The following AKIRIN1 variants were observed in gnomAD, a reference collection of about 807,000 sequenced individuals.
AKIRIN1 encodes the protein akirin-1.
AKIRIN1 carries 4 observed loss-of-function variants against 25.9 expected under a neutral mutation model. That is an observed-to-expected ratio of 0.15 (90% CI 0.08 to 0.35). AKIRIN1 has a LOEUF of 0.35. Ranked by LOEUF, AKIRIN1 falls within the 10% of genes least tolerant of loss-of-function variation. The pLI, the probability that AKIRIN1 is intolerant of heterozygous loss-of-function variation, is 1.00. For synonymous variants in AKIRIN1, 125 were observed against 105.1 expected (o/e 1.19, Z -1.16); for missense variants, 243 against 266.1 (o/e 0.91, Z 0.61).
chr1:38,998,861 G>T (rs1165756869), intron 2 of AKIRIN1, among the ~76,000 whole-genome samples: 1 of 150,500 alleles, frequency 6.6e-6, no homozygotes, highest in Admixed American at 6.7e-5. Context: ...GTGACAGAGT[G>T]AGTCTCTGTC....
rs1644029714 is a variant in AKIRIN1 at position 39,005,771 on chromosome 1, T to C, written c.*1716T>C. On this transcript the variant is annotated 3_prime_UTR_variant, in exon 5 of 5. Transcript: ENST00000432648. ...AATATTCACATTCGAAGATTCCTTA[T>C]TAATGAATGTCTTTGACTTAAATCT... is the stretch of plus-strand genomic sequence containing the variant. The C allele has an allele frequency of 2.0e-5, 3 of 152,238 alleles. No individual in the cohort carries two copies. Among genetic ancestry groups the C allele is most frequent in the Admixed American group, 2.0e-4 (3 of 15,284 alleles). 9.4% of individuals were successfully genotyped at this position (152,238 alleles called of 1,614,324 possible). A position where few individuals can be genotyped will look rare whatever the true frequency, so the allele number is the denominator to read the frequency against.
chr1:38,991,664 GGGGGAGGGTT>G, intron 1 of AKIRIN1, 64 bp downstream of exon 1: 24 of 967,490 alleles, frequency 2.5e-5, no homozygotes, highest in South Asian at 3.0e-5. Flanking sequence ...GGGGGGTGGT[GGGGGAGGGTT>G]GGGAATACCA....
chr1:39,000,644 C>T (rs1038025096), intron 2 of AKIRIN1, among the ~76,000 whole-genome samples: 8 of 151,258 alleles, frequency 5.3e-5, no homozygotes, highest in Non-Finnish European at 8.8e-5. Flanking sequence ...CCACTGCGCC[C>T]GGCCTTTTTT....
In AKIRIN1 at chr1:39,000,345, C is replaced by CTT. The variant is rs3078308; in HGVS notation, c.362-611_362-610dup. Among the ~76,000 whole-genome samples the CTT allele has an allele frequency of 5.8e-3, 746 of 128,270 alleles. 2 individuals carry two copies. The highest frequency in any genetic ancestry group is 0.012 in the Middle Eastern group (3 of 242). 84.2% of individuals were successfully genotyped at this position (128,270 alleles called of 152,430 possible). A position where few individuals can be genotyped will look rare whatever the true frequency, so the allele number is the denominator to read the frequency against. The stretch of plus-strand genomic sequence containing the variant: ...TTAGGAGAACCTTTTTTTTCTTTTT[C>CTT]TTTTTTTTTTTTTTTTTGAGTCCGT... On this transcript the variant is annotated intron_variant, in intron 2 of 4. Coordinates refer to ENST00000432648, the MANE Select transcript of AKIRIN1 (RefSeq NM_024595.3).
At chr1:38,994,675 T>A (rs6662223) in intron 1 of AKIRIN1, among the ~76,000 whole-genome samples, 1,988 of 15,992 alleles carry the variant, frequency 0.12, 181 homozygotes, top group Non-Finnish European at 0.19. Context: ...TCGGCTAATT[T>A]TTTTTTTTTT....
Position 39,001,091 on chromosome 1 carries a change from A to C in AKIRIN1, c.481A>C (p.Asn161His). The C allele has an allele frequency of 6.2e-7, 1 of 1,612,100 alleles. No homozygotes were observed. Among genetic ancestry groups the C allele is most frequent in the Non-Finnish European group, 8.5e-7 (1 of 1,179,228 alleles). ...KIREEYEQILNTKLAEQYESF... is the reference protein window; with the variant it reads ...KIREEYEQILHTKLAEQYESF... ...TCGGGAGGAGTATGAGCAAATCCTC[A>C]ATACCAAACTAGCAGGTAGGCCCAG... The change falls in exon 3 of 5, where the codon AAT becomes CAT. Residue 161 changes from asparagine (N) to histidine (H), a missense_variant. Physicochemically the swap from Asn to His is moderately conservative, Grantham distance 68. Transcript: ENST00000432648.
chr1:39,000,104 G>A (rs998239504), intron 2 of AKIRIN1, among the ~76,000 whole-genome samples: 1 of 151,664 alleles, frequency 6.6e-6, no homozygotes, highest in Admixed American at 6.6e-5. Context: ...GGCTGGTCTC[G>A]AACTCCTGAC....
At chr1:38,995,468 A>C (rs1022487764) in intron 1 of AKIRIN1, among the ~76,000 whole-genome samples, 1 of 152,200 alleles carries the variant, frequency 6.6e-6, no homozygotes, top group Non-Finnish European at 1.5e-5. Context: ...CTTTTTAAAA[A>C]AATTTTGTGC....
At chr1:38,993,614 A>G (rs920360224) in intron 1 of AKIRIN1, among the ~76,000 whole-genome samples, 16 of 147,414 alleles carry the variant, frequency 1.1e-4, no homozygotes, top group African/African-American at 3.4e-4. Flanking sequence ...CTGGGCCACA[A>G]GAGCGAAACT....
intron 2 of AKIRIN1, 35 bp from the exon 3 acceptor site, chr1:39,000,937 G>A (rs747168188): frequency 8.8e-6 from 14 of 1,591,406 alleles, no homozygotes; most frequent in South Asian, 3.4e-5. Flanking sequence ...GTGAACCACC[G>A]CACCTGGCCC....
In AKIRIN1 at chr1:38,991,479, C is replaced by T; in HGVS notation, c.99C>T (p.Gly33=). The T allele has an allele frequency of 1.4e-6, 2 of 1,434,676 alleles. No individual in the cohort carries two copies. The highest frequency in any genetic ancestry group is 1.4e-5 in the South Asian group (1 of 70,372). The allele number at this position is 1,434,676 out of a possible 1,614,324, so 88.9% of individuals were successfully genotyped here. A position where few individuals can be genotyped will look rare whatever the true frequency, so the allele number is the denominator to read the frequency against. Reference sequence around the variant, plus strand: ...GGCGGCGCTGCGCCCCTCTGCCCGGCCCCACTCCGGGCCTCAGGCCCCCGG... The same window carrying T: ...GGCGGCGCTGCGCCCCTCTGCCCGGTCCCACTCCGGGCCTCAGGCCCCCGG... ...PKRRRCAPLP[G]PTPGLRPPDA... is the part of the protein sequence containing the mutation. The change falls in exon 1 of 5, where the codon GGC becomes GGT. Residue 33 remains glycine, a synonymous_variant. Transcript: ENST00000432648.
intron 2 of AKIRIN1, 142 bp from the exon 3 acceptor site, chr1:39,000,830 A>G (rs975360639): frequency 6.6e-6 from 6 of 913,148 alleles, no homozygotes; most frequent in Non-Finnish European, 8.0e-6. Context: ...CTAATTTTGT[A>G]TTTTTAGTAG....
chr1:39,000,909 AG>A, intron 2 of AKIRIN1, 62 bp from the exon 3 acceptor site: 1 of 1,506,866 alleles, frequency 6.6e-7, no homozygotes, highest in South Asian at 1.3e-5. Flanking sequence ...GGCCTCCCAA[AG>A]TGCTGGGATT....
In AKIRIN1 at chr1:38,991,438, C is replaced by T. The variant is rs771560722; in HGVS notation, c.58C>T (p.Pro20Ser). 8 of 1,369,654 alleles carry T rather than the reference C, an allele frequency of 5.8e-6. No individual in the cohort carries two copies. In the South Asian group the frequency reaches 1.2e-4, roughly 20 times the overall value. 84.8% of individuals were successfully genotyped at this position (1,369,654 alleles called of 1,614,324 possible). The change falls in exon 1 of 5, where the codon CCC becomes TCC. Residue 20 changes from proline (P) to serine (S), a missense_variant. Pro to Ser is a moderately conservative substitution (Grantham distance 74, BLOSUM62 -1). Coordinates refer to ENST00000432648, the MANE Select transcript of AKIRIN1 (RefSeq NM_024595.3). ...PMEFEAALLS[P>S]GSPKRRRCAP... ...GGAGTTCGAGGCGGCGCTGCTGAGC[C>T]CCGGCTCCCCGAAGCGGCGGCGCTG... is the stretch of plus-strand genomic sequence containing the variant.
chr1:38,998,642 G>T (rs1471252486), intron 2 of AKIRIN1, among the ~76,000 whole-genome samples: 1 of 152,090 alleles, frequency 6.6e-6, no homozygotes, highest in Non-Finnish European at 1.5e-5. Flanking sequence ...GGTGGCTCAT[G>T]CCTGTAATCC....
At chr1:38,993,945 C>G (rs1570970807) in intron 1 of AKIRIN1, among the ~76,000 whole-genome samples, 2 of 150,776 alleles carry the variant, frequency 1.3e-5, no homozygotes, top group South Asian at 4.2e-4. Flanking sequence ...TGGTGCATGC[C>G]TGTAATCCCA....
In AKIRIN1 at chr1:38,991,317, C is replaced by T. The variant is rs913060035; in HGVS notation, c.-64C>T. 355 of 1,283,844 alleles carry T rather than the reference C, an allele frequency of 2.8e-4. No homozygotes were observed. Among genetic ancestry groups the T allele is most frequent in the Non-Finnish European group, 3.3e-4 (328 of 1,008,728 alleles). 79.5% of individuals were successfully genotyped at this position (1,283,844 alleles called of 1,614,324 possible). A position where few individuals can be genotyped will look rare whatever the true frequency, so the allele number is the denominator to read the frequency against. On this transcript the variant is annotated 5_prime_UTR_variant, in exon 1 of 5. Coordinates refer to ENST00000432648, the MANE Select transcript of AKIRIN1 (RefSeq NM_024595.3). ...GAGCCGGCTTGGCTGGCGAGCCCGG[C>T]TGAGGAGCCTCTTGGGCCGCACTTA...
chr1:39,005,763 A>G lies in AKIRIN1; in HGVS notation c.*1708A>G, dbSNP rs1383636001. The G allele has an allele frequency of 6.6e-6, 1 of 152,220 alleles. No individual in the cohort carries two copies. Among genetic ancestry groups the G allele is most frequent in the African/African-American group, 2.4e-5 (1 of 41,460 alleles). The allele number at this position is 152,220 out of a possible 1,614,324, so 9.4% of individuals were successfully genotyped here. A position where few individuals can be genotyped will look rare whatever the true frequency, so the allele number is the denominator to read the frequency against. On this transcript the variant is annotated 3_prime_UTR_variant, in exon 5 of 5. Coordinates refer to ENST00000432648, the MANE Select transcript of AKIRIN1 (RefSeq NM_024595.3). ...ATTTCTGGAATATTCACATTCGAAG[A>G]TTCCTTATTAATGAATGTCTTTGAC...
intron 1 of AKIRIN1, 77 bp downstream of exon 1, chr1:38,991,677 G>GGGGGGCC: frequency 1.0e-4 from 20 of 192,412 alleles, no homozygotes; most frequent in Non-Finnish European, 1.9e-4. Flanking sequence ...GGAGGGTTGG[G>GGGGGGCC]AATACCAGGC....
Sources: gnomAD v4.1 joint callset for allele counts (sites outside exome capture counted in the v4.1 genomes callset) on GRCh38, gnomAD v4.1.1 for gene constraint, MANE v1.5 for transcripts, NCBI Gene and HGNC (gene_info 2026-07-23, HGNC 2026-07-21) for gene names.